FGD4: variants seen among roughly 807,000 people sequenced by gnomAD.
The protein encoded by FGD4 is FYVE, RhoGEF and PH domain-containing protein 4.
Under a neutral mutation model 102.0 loss-of-function variants are expected in FGD4, and 42 were observed. That is an observed-to-expected ratio of 0.41 (90% CI 0.32 to 0.53). FGD4 has a LOEUF of 0.53. Among genes scored for constraint, FGD4 ranks in the 20% least tolerant of loss-of-function variants. The probability of loss-of-function intolerance (pLI) is 0.21; values close to 1 mark genes in which losing one functional copy is unlikely to be tolerated. For missense variants in FGD4, 902 were observed against 1,078.2 expected (o/e 0.84, Z 2.29); for synonymous variants, 380 against 375.7 (o/e 1.01, Z -0.13).
chr12:32,471,290 C>T (rs1260056825), intron 1 of FGD4, among the ~76,000 whole-genome samples: 1 of 152,152 alleles, frequency 6.6e-6, no homozygotes, highest in Non-Finnish European at 1.5e-5. Context: ...GACTTCTGGG[C>T]CTCCATAATC....
intron 4 of FGD4, among the ~76,000 whole-genome samples, chr12:32,594,702 CT>C: frequency 6.6e-6 from 1 of 151,740 alleles, no homozygotes; most frequent in East Asian, 1.9e-4. Context: ...GTAAATTTTA[CT>C]GTTTATAAAT....
At chr12:32,618,375 G>A (rs1447141386) in intron 10 of FGD4, among the ~76,000 whole-genome samples, 1 of 152,194 alleles carries the variant, frequency 6.6e-6, no homozygotes, top group East Asian at 1.9e-4. Context: ...AGGGAAAGAA[G>A]TGTTAACAGG....
At chr12:32,528,493 AT>A (rs747386627) in intron 1 of FGD4, among the ~76,000 whole-genome samples, 1 of 152,114 alleles carries the variant, frequency 6.6e-6, no homozygotes, top group Non-Finnish European at 1.5e-5. Context: ...GCTTCAAGCA[AT>A]TCTCCTGACT....
chr12:32,625,094 C>T (rs758190236), intron 13 of FGD4, 26 bp downstream of exon 13: 1 of 1,567,696 alleles, frequency 6.4e-7, no homozygotes, highest in African/African-American at 1.3e-5. Context: ...TTCTTAACTT[C>T]AACCTCTTTC....
At chr12:32,479,786 C>CTTTT (rs559968024) in intron 1 of FGD4, among the ~76,000 whole-genome samples, 8 of 106,590 alleles carry the variant, frequency 7.5e-5, no homozygotes, top group South Asian at 3.4e-4. Flanking sequence ...AAGCATTATT[C>CTTTT]TTTTTTTTTT....
At chr12:32,543,513 C>T (rs954156727) in intron 1 of FGD4, among the ~76,000 whole-genome samples, 37 of 152,146 alleles carry the variant, frequency 2.4e-4, no homozygotes, top group African/African-American at 1.7e-4. Context: ...CCTAGGGTTA[C>T]GCCAAGAGTC....
intron 1 of FGD4, among the ~76,000 whole-genome samples, chr12:32,467,615 T>C (rs560441953): frequency 6.6e-6 from 1 of 152,354 alleles, no homozygotes; most frequent in Admixed American, 6.5e-5. Flanking sequence ...TTCTAGTCAG[T>C]GTAGGACAGT....
chr12:32,477,449 A>T (rs1186044365), intron 1 of FGD4: 1 of 152,380 alleles, frequency 6.6e-6, no homozygotes, highest in Non-Finnish European at 1.5e-5. Context: ...CGATTTTAGT[A>T]TATGTGCTGC....
intron 1 of FGD4, among the ~76,000 whole-genome samples, chr12:32,521,117 G>C (rs554823266): frequency 6.6e-6 from 1 of 152,010 alleles, no homozygotes; most frequent in Admixed American, 6.6e-5. Context: ...GGCTGGGCGC[G>C]GTGGTTCACA....
At chr12:32,499,108 T>C (rs1193207076) in intron 1 of FGD4, among the ~76,000 whole-genome samples, 1 of 152,196 alleles carries the variant, frequency 6.6e-6, no homozygotes, top group African/African-American at 2.4e-5. Flanking sequence ...CGAAGGGAAA[T>C]GGAACAACAT....
chr12:32,568,329 C>T (rs1945355570), intron 2 of FGD4, among the ~76,000 whole-genome samples: 1 of 152,198 alleles, frequency 6.6e-6, no homozygotes, highest in African/African-American at 2.4e-5. Flanking sequence ...ATAATTAGAG[C>T]TTGTTTTGCC....
chr12:32,547,731 G>T (rs1269909821), intron 1 of FGD4, among the ~76,000 whole-genome samples: 1 of 152,140 alleles, frequency 6.6e-6, no homozygotes, highest in Non-Finnish European at 1.5e-5. Context: ...TTTTAAGACG[G>T]AGTCTCACTT....
chr12:32,430,801 C>A (rs1048184724), intron 1 of FGD4, among the ~76,000 whole-genome samples: 2 of 152,288 alleles, frequency 1.3e-5, no homozygotes, highest in Admixed American at 6.5e-5. Flanking sequence ...AGTAGAAGAA[C>A]TAGCTTCAAG....
intron 1 of FGD4, among the ~76,000 whole-genome samples, chr12:32,427,165 G>T (rs193271387): frequency 1.3e-5 from 2 of 151,776 alleles, no homozygotes; most frequent in African/African-American, 4.8e-5. Context: ...TTAGGGTGTC[G>T]ATTTTAGATC....
chr12:32,399,948 C>T lies in FGD4; in HGVS notation c.155C>T (p.Ser52Leu). Residue 52 changes from serine to leucine, a missense_variant, in exon 1 of 17, where the codon TCA becomes TTA. Around this residue, in one of 2 missense-constraint regions of FGD4, gnomAD observed 443 missense variants for 459.2 expected, o/e 0.96. Coordinates refer to ENST00000534526, the MANE Select transcript of FGD4 (RefSeq NM_001370298.3). ...GTAAFKGQVP[S>L]GATGSSTCPK... ...GCTGCCTTCAAGGGCCAGGTGCCCTCAGGAGCCACAGGTAAGCGCCTCGGG... is the reference window on the plus strand; with the variant it reads ...GCTGCCTTCAAGGGCCAGGTGCCCTTAGGAGCCACAGGTAAGCGCCTCGGG... 6.7e-7 allele frequency: 1 copy of T among 1,484,186 alleles called. No homozygotes were observed. Among genetic ancestry groups the T allele is most frequent in the East Asian group, 2.7e-5 (1 of 36,690 alleles). 91.9% of individuals were successfully genotyped at this position (1,484,186 alleles called of 1,614,324 possible). A position where few individuals can be genotyped will look rare whatever the true frequency, so the allele number is the denominator to read the frequency against.
intron 1 of FGD4, among the ~76,000 whole-genome samples, chr12:32,420,423 C>A (rs1343600541): frequency 1.3e-5 from 2 of 152,170 alleles, no homozygotes; most frequent in Non-Finnish European, 2.9e-5. Context: ...TCCAAAACTG[C>A]CTTTTATTGC....
At chr12:32,498,476 TC>T (rs1405335643) in intron 1 of FGD4, among the ~76,000 whole-genome samples, 1 of 152,202 alleles carries the variant, frequency 6.6e-6, no homozygotes, top group Non-Finnish European at 1.5e-5. Context: ...TACACCCACA[TC>T]CCATTAGTAA....
chr12:32,462,469 A>C (rs1943132048), intron 1 of FGD4, among the ~76,000 whole-genome samples: 3 of 152,090 alleles, frequency 2.0e-5, no homozygotes, highest in African/African-American at 7.2e-5. Flanking sequence ...CCGACTTTCA[A>C]ATTTTTTAAC....
rs573452816 is a variant in FGD4, at chr12:32,417,088, G to T, written c.166+17129G>T. 6.8e-3 allele frequency among the ~76,000 whole-genome samples: 1,037 copies of T among 152,076 alleles called. 3 individuals carry two copies. Among genetic ancestry groups the T allele is most frequent in the Non-Finnish European group, 0.01 (706 of 67,988 alleles). Reference sequence around the variant, plus strand: ...TTTTTGTATTTTTAGTAGAGATGAGGTTTCATCATGTTGGTCAGGCTGGTC... The same window carrying T: ...TTTTTGTATTTTTAGTAGAGATGAGTTTTCATCATGTTGGTCAGGCTGGTC... On this transcript the variant is annotated intron_variant, in intron 1 of 16. Coordinates refer to ENST00000534526, the MANE Select transcript of FGD4 (RefSeq NM_001370298.3).
Sources: allele counts gnomAD v4.1 joint callset (sites outside exome capture counted in the v4.1 genomes callset), GRCh38; gene constraint gnomAD v4.1.1; regional missense constraint gnomAD v4.1.1; transcripts MANE v1.5; gene names NCBI Gene and HGNC (gene_info 2026-07-23, HGNC 2026-07-21).